The following IL1RAPL1 variants were observed in gnomAD, a reference collection of about 807,000 sequenced individuals.
The protein encoded by IL1RAPL1 is interleukin 1 receptor accessory protein like 1, also known as interleukin-1 receptor accessory protein-like 1.
A neutral mutation model predicts 48.4 loss-of-function variants in IL1RAPL1; 3 were observed. That is an observed-to-expected ratio of 0.06 (90% CI 0.03 to 0.16). The LOEUF (loss-of-function observed/expected upper bound fraction) is 0.16, where lower values mean the gene tolerates loss of function less well. Among genes scored for constraint, IL1RAPL1 ranks in the 10% least tolerant of loss-of-function variants. The pLI, the probability that IL1RAPL1 is intolerant of heterozygous loss-of-function variation, is 1.00. For synonymous variants in IL1RAPL1, 185 were observed against 187.7 expected (o/e 0.99, Z 0.12); for missense variants, 349 against 530.6 (o/e 0.66, Z 3.36).
At chrX:29,773,711 G>A (rs1052361741) in intron 6 of IL1RAPL1, among the ~76,000 whole-genome samples, 8 of 111,602 alleles carry the variant, frequency 7.2e-5, no homozygotes, top group East Asian at 5.6e-4. Context: ...TAATGGTGAC[G>A]TAGACATCTT....
intron 1 of IL1RAPL1, among the ~76,000 whole-genome samples, chrX:28,756,877 G>A (rs759187310): frequency 1.8e-5 from 2 of 111,318 alleles, no homozygotes; most frequent in South Asian, 7.6e-4. Context: ...GCCTAGTATT[G>A]TTAAAGGGGG....
intron 5 of IL1RAPL1, among the ~76,000 whole-genome samples, chrX:29,496,993 A>G (rs753874168): frequency 8.9e-6 from 1 of 112,860 alleles, no homozygotes; most frequent in Non-Finnish European, 1.9e-5. Flanking sequence ...TTAAACAGCA[A>G]ATCCTCCAAT....
At chrX:29,796,670 T>C (rs1188632917) in intron 6 of IL1RAPL1, among the ~76,000 whole-genome samples, 1 of 112,352 alleles carries the variant, frequency 8.9e-6, no homozygotes, top group African/African-American at 3.2e-5. Context: ...GTTTCTTTGG[T>C]CAACACAGCA....
At chrX:28,863,355 G>C (rs904331072) in intron 2 of IL1RAPL1, among the ~76,000 whole-genome samples, 1 of 109,341 alleles carries the variant, frequency 9.1e-6, no homozygotes, top group Non-Finnish European at 1.9e-5. Flanking sequence ...AAATGAGTGT[G>C]GTTGTGTTCC....
chrX:28,927,052 G>T (rs770221550), intron 2 of IL1RAPL1, among the ~76,000 whole-genome samples: 2 of 110,681 alleles, frequency 1.8e-5, no homozygotes, highest in Admixed American at 9.7e-5. Context: ...ATGCCACCAC[G>T]CCTGGGTAAT....
chrX:29,265,839 T>C (rs1490269730), intron 2 of IL1RAPL1, among the ~76,000 whole-genome samples: 1 of 109,640 alleles, frequency 9.1e-6, no homozygotes, highest in Non-Finnish European at 1.9e-5. Context: ...CCATGGTGTA[T>C]ATGTGCCACC....
intron 6 of IL1RAPL1, among the ~76,000 whole-genome samples, chrX:29,677,214 G>A (rs137857297): frequency 0.033 from 3,716 of 111,808 alleles, 145 homozygotes; most frequent in African/African-American, 0.12. Context: ...AATAACTAGT[G>A]CTTCAATAAG....
chrX:29,011,932 T>TTTAGATTTTAGA (rs769147885), intron 2 of IL1RAPL1, among the ~76,000 whole-genome samples: 12 of 112,188 alleles, frequency 1.1e-4, no homozygotes, highest in African/African-American at 3.9e-4. Flanking sequence ...TAAAGTTGAG[T>TTTAGATTTTAGA]TTAGGTTCAC....
chrX:29,352,804 AT>A (rs1161314569), intron 3 of IL1RAPL1, among the ~76,000 whole-genome samples: 4 of 111,326 alleles, frequency 3.6e-5, no homozygotes, highest in Non-Finnish European at 7.5e-5. Context: ...GAAAAAAAAA[AT>A]AACCCAGTGT....
intron 2 of IL1RAPL1, among the ~76,000 whole-genome samples, chrX:28,844,232 A>ATT (rs1921449686): frequency 2.8e-5 from 3 of 105,616 alleles, no homozygotes; most frequent in Non-Finnish European, 3.9e-5. Context: ...AAAGGTGGGA[A>ATT]CGGAACGTAA....
At chrX:29,490,960 T>C (rs1467990619) in intron 5 of IL1RAPL1, among the ~76,000 whole-genome samples, 1 of 110,602 alleles carries the variant, frequency 9.0e-6, no homozygotes, top group Non-Finnish European at 1.9e-5. Flanking sequence ...TCAGAAGTTA[T>C]AAATAAATAT....
chrX:29,940,250 G>A (rs1933104701), intron 8 of IL1RAPL1, among the ~76,000 whole-genome samples: 1 of 110,872 alleles, frequency 9.0e-6, no homozygotes, highest in African/African-American at 3.3e-5. Context: ...AGAAAATGAT[G>A]GCCGTGCTTT....
chrX:28,698,146 C>T (rs2146928638), intron 1 of IL1RAPL1, among the ~76,000 whole-genome samples: 1 of 111,292 alleles, frequency 9.0e-6, no homozygotes, highest in East Asian at 2.8e-4. Context: ...CTGAACTCAG[C>T]CAATCTGAAA....
intron 6 of IL1RAPL1, among the ~76,000 whole-genome samples, chrX:29,747,145 C>A (rs1928353919): frequency 9.0e-6 from 1 of 111,601 alleles, no homozygotes; most frequent in African/African-American, 3.3e-5. Context: ...ATAATATTGG[C>A]TTTAATTATG....
intron 3 of IL1RAPL1, among the ~76,000 whole-genome samples, chrX:29,298,540 C>T (rs1932483277): frequency 8.9e-6 from 1 of 111,937 alleles, no homozygotes; most frequent in Admixed American, 9.5e-5. Flanking sequence ...AGCATTTCCT[C>T]CACCTTACAA....
At chrX:28,830,992 T>TTTTCTCTC (rs1350258890) in intron 2 of IL1RAPL1, among the ~76,000 whole-genome samples, 3 of 16,069 alleles carry the variant, frequency 1.9e-4, no homozygotes, top group Admixed American at 8.2e-4. Flanking sequence ...TGCCCAGGGT[T>TTTTCTCTC]TCTCTCTCTC....
intron 1 of IL1RAPL1, among the ~76,000 whole-genome samples, chrX:28,670,184 G>A (rs994073110): frequency 9.0e-6 from 1 of 111,719 alleles, no homozygotes; most frequent in Non-Finnish European, 1.9e-5. Flanking sequence ...TTAAAGCAAA[G>A]ACAAGACTGT....
chrX:29,589,846 G>A (rs980801997), intron 5 of IL1RAPL1, among the ~76,000 whole-genome samples: 5 of 111,376 alleles, frequency 4.5e-5, no homozygotes, highest in African/African-American at 1.6e-4. Flanking sequence ...TTGGCTCACA[G>A]TTCTGCGGGC....
chrX:29,438,135 A>G (rs1338360769), intron 5 of IL1RAPL1, among the ~76,000 whole-genome samples: 2 of 111,173 alleles, frequency 1.8e-5, no homozygotes, highest in Non-Finnish European at 1.9e-5. Flanking sequence ...GAATAGATCC[A>G]TTTTATCTAA....
Sources: gnomAD v4.1 joint callset for allele counts (sites outside exome capture counted in the v4.1 genomes callset) on GRCh38, gnomAD v4.1.1 for gene constraint, MANE v1.5 for transcripts, NCBI Gene and HGNC (gene_info 2026-07-23, HGNC 2026-07-21) for gene names.